Variants in CPE observed in about 807,000 individuals in gnomAD.
The protein encoded by CPE is carbocypeptidase E.
A neutral mutation model predicts 53.5 loss-of-function variants in CPE; 17 were observed. The observed-to-expected ratio is 0.32, with a 90% CI of 0.22 to 0.48. The LOEUF (loss-of-function observed/expected upper bound fraction) is 0.48. Among genes scored for constraint, CPE ranks in the 20% least tolerant of loss-of-function variants. The pLI is 0.99. For missense variants in CPE, 524 were observed against 614.7 expected, an observed-to-expected ratio of 0.85 and a Z score of 1.56; for synonymous variants, 226 against 228.8, an observed-to-expected ratio of 0.99 and a Z score of 0.11.
At chr4:165,458,179 G>T (rs951516316) in intron 1 of CPE, among the ~76,000 whole-genome samples, 1 of 152,164 alleles carries the variant, frequency 6.6e-6, no homozygotes, top group African/African-American at 2.4e-5. Flanking sequence ...CAACTTGCTT[G>T]TATAGCAGTT....
At chr4:165,414,044 T>C (rs1731084188) in intron 1 of CPE, among the ~76,000 whole-genome samples, 1 of 152,204 alleles carries the variant, frequency 6.6e-6, no homozygotes, top group Non-Finnish European at 1.5e-5. Context: ...GGAAAAAAAG[T>C]CTTGGTTTTG....
At chr4:165,400,993 C>T (rs1242878470) in intron 1 of CPE, among the ~76,000 whole-genome samples, 1 of 152,182 alleles carries the variant, frequency 6.6e-6, no homozygotes, top group Non-Finnish European at 1.5e-5. Context: ...GTTATCCCAG[C>T]TCTTCATCAC....
In CPE at chr4:165,394,122, G is replaced by T. The variant is rs1348705256; in HGVS notation, c.307+14594G>T. ...GCTGGTGGCTCAAGAGAAACTTTGGGGAAACAGAAATAATGGATGGGGACA... is the reference window on the plus strand; with the variant it reads ...GCTGGTGGCTCAAGAGAAACTTTGGTGAAACAGAAATAATGGATGGGGACA... On this transcript the variant is annotated intron_variant, in intron 1 of 8. Coordinates refer to ENST00000402744, the MANE Select transcript of CPE (RefSeq NM_001873.4). 3.9e-5 allele frequency among the ~76,000 whole-genome samples: 6 copies of T among 152,036 alleles called. No individual in the cohort carries two copies. In the East Asian group the frequency reaches 1.2e-3, roughly 29 times the overall value.
At chr4:165,485,165 TG>T (rs1478187514) in intron 5 of CPE, among the ~76,000 whole-genome samples, 3 of 152,212 alleles carry the variant, frequency 2.0e-5, no homozygotes, top group African/African-American at 7.2e-5. Flanking sequence ...GGACAGCAGC[TG>T]GGGGAAGCCC....
intron 1 of CPE, chr4:165,381,350 A>T: frequency 2.2e-6 from 1 of 455,852 alleles, no homozygotes; most frequent in South Asian, 1.6e-5. Flanking sequence ...AGCGGGCTTG[A>T]ATATACATTA....
At chr4:165,414,303 T>A (rs1010652119) in intron 1 of CPE, among the ~76,000 whole-genome samples, 3 of 152,148 alleles carry the variant, frequency 2.0e-5, no homozygotes, top group Non-Finnish European at 4.4e-5. Flanking sequence ...CAAAGAAAGC[T>A]TTTTTTATGG....
chr4:165,452,184 A>G (rs527654030), intron 1 of CPE, among the ~76,000 whole-genome samples: 58 of 152,296 alleles, frequency 3.8e-4, no homozygotes, highest in African/African-American at 1.3e-3. Flanking sequence ...AAGTTAGTTA[A>G]TGGACACAGT....
chr4:165,484,270 T>A, intron 4 of CPE, 152 bp from the exon 5 acceptor site: 1 of 675,856 alleles, frequency 1.5e-6, no homozygotes, highest in Non-Finnish European at 2.4e-6. Context: ...AGTGTAATTA[T>A]TTAGTATTTA....
At position 165,400,770 on chromosome 4, in the gene CPE, A is replaced by G. The variant is rs534680071; in HGVS notation, c.307+21242A>G. 8.5e-5 allele frequency among the ~76,000 whole-genome samples: 13 copies of G among 152,292 alleles called. No homozygotes were observed. The South Asian group carries it at 2.7e-3, about 32-fold the overall frequency. On this transcript the variant is annotated intron_variant, in intron 1 of 8. Coordinates refer to ENST00000402744, the MANE Select transcript of CPE (RefSeq NM_001873.4). The stretch of plus-strand genomic sequence containing the variant: ...AACTAAGTTTTTTGAAAGATTACAT[A>G]CTATTTTCAACACACATTCATTCCT...
rs186500462 is a variant in CPE at position 165,432,808 on chromosome 4, A to T, written c.308-31582A>T. On this transcript the variant is annotated intron_variant, in intron 1 of 8. Transcript: ENST00000402744. ...GGCCTAAACAGCGCAACCCGCCCCC[A>T]GCTGCTCCTACCAGAGACCTGGGAG... Among the ~76,000 whole-genome samples, 292 of 152,124 alleles carry T rather than the reference A, an allele frequency of 1.9e-3. 1 individual carries two copies. Among genetic ancestry groups the T allele is most frequent in the African/African-American group, 6.9e-3 (286 of 41,514 alleles).
At chr4:165,481,466 A>C (rs1732410656) in intron 3 of CPE, among the ~76,000 whole-genome samples, 1 of 152,182 alleles carries the variant, frequency 6.6e-6, no homozygotes, top group Non-Finnish European at 1.5e-5. Context: ...TTTTCTTTTC[A>C]TCAGAGAAGC....
intron 1 of CPE, among the ~76,000 whole-genome samples, chr4:165,403,726 C>G (rs1043973486): frequency 1.4e-5 from 2 of 146,464 alleles, no homozygotes; most frequent in African/African-American, 5.1e-5. Flanking sequence ...TGTCTGGGTG[C>G]AGAATTGCCC....
chr4:165,410,241 T>TAAAAAAAA (rs70955614), intron 1 of CPE, among the ~76,000 whole-genome samples: 3 of 119,670 alleles, frequency 2.5e-5, no homozygotes, highest in African/African-American at 9.4e-5. Flanking sequence ...GGATACTCTG[T>TAAAAAAAA]AAAAAAAAAA....
intron 1 of CPE, among the ~76,000 whole-genome samples, chr4:165,392,702 G>T (rs918279803): frequency 6.8e-6 from 1 of 146,148 alleles, no homozygotes; most frequent in African/African-American, 2.5e-5. Context: ...GGAGCTTATC[G>T]TAGTATAAGC....
chr4:165,429,410 T>C (rs116260879), intron 1 of CPE, among the ~76,000 whole-genome samples: 1,534 of 152,308 alleles, frequency 0.01, 22 homozygotes, highest in African/African-American at 0.034. Context: ...TAAACATACT[T>C]TAAAAATTAT....
chr4:165,392,470 A>G (rs972341935), intron 1 of CPE, among the ~76,000 whole-genome samples: 2 of 145,868 alleles, frequency 1.4e-5, no homozygotes, highest in Admixed American at 7.0e-5. Context: ...AATATGTAAT[A>G]TACATATATC....
intron 6 of CPE, among the ~76,000 whole-genome samples, chr4:165,489,697 A>T (rs536947926): frequency 6.6e-6 from 1 of 152,350 alleles, no homozygotes; most frequent in South Asian, 2.1e-4. Context: ...GAGAAAAAAA[A>T]TAATACAAAA....
chr4:165,488,037 C>T (rs909639920), intron 6 of CPE, among the ~76,000 whole-genome samples: 2 of 152,132 alleles, frequency 1.3e-5, no homozygotes, highest in African/African-American at 4.8e-5. Flanking sequence ...TCATCTTTCT[C>T]ACCCTAGACT....
intron 3 of CPE, among the ~76,000 whole-genome samples, chr4:165,471,434 C>T (rs564941667): frequency 1.1e-4 from 16 of 152,246 alleles, no homozygotes; most frequent in African/African-American, 3.4e-4. Flanking sequence ...TCTCTCCAGT[C>T]CTCATTTTTA....
Sources: allele counts gnomAD v4.1 joint callset (sites outside exome capture counted in the v4.1 genomes callset), GRCh38; gene constraint gnomAD v4.1.1; transcripts MANE v1.5; gene names NCBI Gene and HGNC (gene_info 2026-07-23, HGNC 2026-07-21).